FOXI1: variants seen among roughly 807,000 people sequenced by gnomAD.
FOXI1 encodes the protein forkhead box protein I1.
In FOXI1, 11 loss-of-function variants were observed where a neutral mutation model predicts 16.4. That is an observed-to-expected ratio of 0.67 (90% CI 0.42 to 1.11). FOXI1 has a LOEUF of 1.11. FOXI1 is among the 50% of genes least tolerant of loss of function. The pLI, the probability that FOXI1 is intolerant of heterozygous loss-of-function variation, is 0.00. For missense variants in FOXI1, 480 were observed against 506.1 expected (o/e 0.95, Z 0.49); for synonymous variants, 218 against 211.5 (o/e 1.03, Z -0.27).
In FOXI1 at chr5:170,108,239, C is replaced by A. The variant is rs1561921895; in HGVS notation, c.765C>A (p.Ala255=). 1 of 1,614,190 alleles carries A rather than the reference C, an allele frequency of 6.2e-7. No homozygotes were observed. Among genetic ancestry groups the A allele is most frequent in the East Asian group, 2.2e-5 (1 of 44,874 alleles). The change falls in exon 2 of 2, where the codon GCC becomes GCA. Residue 255 remains alanine (A), a synonymous_variant. Transcript: ENST00000306268. ...TTEPQDILDG[A]SPGGTTSSPE... ...AGCCTCAGGACATCTTGGATGGAGC[C>A]TCACCAGGGGGCACCACCAGCTCCC...
Position 170,108,113 on chromosome 5 carries a change from C to T in FOXI1, c.639C>T (p.Arg213=). The T allele has an allele frequency of 6.2e-7, 1 of 1,614,122 alleles. No individual in the cohort carries two copies. The highest frequency in any genetic ancestry group is 8.5e-7 in the Non-Finnish European group (1 of 1,179,988). The change falls in exon 2 of 2, where the codon CGC becomes CGT. Residue 213 remains arginine, a synonymous_variant. Coordinates refer to ENST00000306268, the MANE Select transcript of FOXI1 (RefSeq NM_012188.5). The part of the protein sequence containing the change: ...CEKMFDNGNF[R]RKRKRKSDVS... ...AAATGTTCGACAATGGAAATTTCCG[C>T]AGGAAAAGGAAGAGAAAATCAGATG...
chr5:170,106,324 C>T lies in FOXI1; in HGVS notation c.367C>T (p.Arg123Trp). The change falls in exon 1 of 2, where the codon CGG becomes TGG. Residue 123 changes from arginine (R) to tryptophan (W), a missense_variant. Arg to Trp is a moderately radical substitution (Grantham distance 101). Around this residue, in one of 3 missense-constraint regions of FOXI1, gnomAD observed 219 missense variants for 222.9 expected, o/e 0.98. Coordinates refer to ENST00000306268, the MANE Select transcript of FOXI1 (RefSeq NM_012188.5). ...GCAGGAGGAGCTGATGAAGCTGGTG[C>T]GGCCACCCTATTCCTACTCGGCTCT... Reference protein sequence around the residue: ...PSQEELMKLVRPPYSYSALIA... With the variant: ...PSQEELMKLVWPPYSYSALIA... The T allele has an allele frequency of 6.3e-7, 1 of 1,598,506 alleles. No individual in the cohort carries two copies. The highest frequency in any genetic ancestry group is 8.5e-7 in the Non-Finnish European group (1 of 1,172,340).
rs201378037 is a variant in FOXI1 at position 170,108,417 on chromosome 5, A to T, written c.943A>T (p.Asn315Tyr). The change falls in exon 2 of 2, where the codon AAC becomes TAC. Residue 315 changes from asparagine to tyrosine, a missense_variant. Around this residue, in one of 3 missense-constraint regions of FOXI1, gnomAD observed 257 missense variants for 262.2 expected, o/e 0.98. Transcript: ENST00000306268. Reference sequence around the variant, plus strand: ...TGAGCCCAGTGACAAGACGGGGCAGAACTCACTGACCTTCAACTCCTTCTC... The same window carrying T: ...TGAGCCCAGTGACAAGACGGGGCAGTACTCACTGACCTTCAACTCCTTCTC... Reference protein sequence around the residue: ...SPEPSDKTGQNSLTFNSFSPL... With the variant: ...SPEPSDKTGQYSLTFNSFSPL... 1 of 1,611,304 alleles carries T rather than the reference A, an allele frequency of 6.2e-7. No individual in the cohort carries two copies. Among genetic ancestry groups the T allele is most frequent in the East Asian group, 2.2e-5 (1 of 44,812 alleles).
chr5:170,106,234 A>G lies in FOXI1; in HGVS notation c.277A>G (p.Arg93Gly), dbSNP rs1758479976. 6.3e-7 allele frequency: 1 copy of G among 1,579,516 alleles called. No individual in the cohort carries two copies. The highest frequency in any genetic ancestry group is 1.8e-5 in the Admixed American group (1 of 55,302). Reference sequence around the variant, plus strand: ...CCTGCCCCAGGCCTATGGAGTGCAGAGGCCGCTGCTGCCCAGCGTGTCGGG... The same window carrying G: ...CCTGCCCCAGGCCTATGGAGTGCAGGGGCCGCTGCTGCCCAGCGTGTCGGG... ...PFLPQAYGVQ[R>G]PLLPSVSGLG... Residue 93 changes from arginine (R) to glycine (G), a missense_variant, in exon 1 of 2, where the codon AGG (arginine) becomes GGG (glycine). Coordinates refer to ENST00000306268, the MANE Select transcript of FOXI1 (RefSeq NM_012188.5).
In FOXI1 at chr5:170,109,506, A is replaced by C. The variant is rs1561922727; in HGVS notation, c.*895A>C. On this transcript the variant is annotated 3_prime_UTR_variant, in exon 2 of 2. Coordinates refer to ENST00000306268, the MANE Select transcript of FOXI1 (RefSeq NM_012188.5). ...GGACCAGTGAGCTGGAGATGGCTGAATCTTCCAAGAGAAACAAGGTTGGAT... is the reference window on the plus strand; with the variant it reads ...GGACCAGTGAGCTGGAGATGGCTGACTCTTCCAAGAGAAACAAGGTTGGAT... The C allele has an allele frequency of 6.6e-6, 1 of 151,824 alleles. No individual in the cohort carries two copies. Among genetic ancestry groups the C allele is most frequent in the Non-Finnish European group, 1.5e-5 (1 of 68,044 alleles). 9.4% of individuals were successfully genotyped at this position (151,824 alleles called of 1,614,324 possible). A position where few individuals can be genotyped will look rare whatever the true frequency, so the allele number is the denominator to read the frequency against.
In FOXI1 at chr5:170,106,440, C is replaced by T. The variant is rs144559860; in HGVS notation, c.483C>T (p.Asn161=). ...TGGCCGACAACTTCCCCTTCTACAA[C>T]AAGAGCAAGGCCGGCTGGCAGAACT... ...QYVADNFPFY[N]KSKAGWQNSI... is the part of the protein sequence containing the mutation. The change falls in exon 1 of 2, where the codon AAC becomes AAT. Residue 161 remains asparagine, a synonymous_variant. Coordinates refer to ENST00000306268, the MANE Select transcript of FOXI1 (RefSeq NM_012188.5). The T allele has an allele frequency of 1.8e-5, 29 of 1,614,156 alleles. No homozygotes were observed. The African/African-American group carries it at 2.9e-4, about 16-fold the overall frequency.
chr5:170,105,938 C>A lies in FOXI1; in HGVS notation c.-20C>A. 6.3e-7 allele frequency: 1 copy of A among 1,587,792 alleles called. No individual in the cohort carries two copies. The highest frequency in any genetic ancestry group is 8.6e-7 in the Non-Finnish European group (1 of 1,159,196). On this transcript the variant is annotated 5_prime_UTR_variant, in exon 1 of 2. Transcript: ENST00000306268. ...GGGTGCAGGTGCCAGGCAGGTGGCT[C>A]CGGCCAGCCCAGCCCCAGCATGAGC...
In FOXI1 at chr5:170,109,466, C is replaced by T. The variant is rs1028358335; in HGVS notation, c.*855C>T. On this transcript the variant is annotated 3_prime_UTR_variant, in exon 2 of 2. Coordinates refer to ENST00000306268, the MANE Select transcript of FOXI1 (RefSeq NM_012188.5). ...GTAAAATCTTGTAAAGCCCAGTTTC[C>T]TGTGTGCATGTCATGGACCAGTGAG... 1 of 152,216 alleles carries T rather than the reference C, an allele frequency of 6.6e-6. No individual in the cohort carries two copies. The highest frequency in any genetic ancestry group is 2.4e-5 in the African/African-American group (1 of 41,440). The allele number at this position is 152,216 out of a possible 1,614,324, so 9.4% of individuals were successfully genotyped here.
At position 170,106,368 on chromosome 5, in the gene FOXI1, C is replaced by A; in HGVS notation, c.411C>A (p.His137Gln). 1 of 1,613,150 alleles carries A rather than the reference C, an allele frequency of 6.2e-7. No individual in the cohort carries two copies. Among genetic ancestry groups the A allele is most frequent in the Non-Finnish European group, 8.5e-7 (1 of 1,179,488 alleles). ...CGGCTCTCATCGCCATGGCCATCCA[C>A]GGGGCACCCGACAAGCGCCTCACTC... is the stretch of plus-strand genomic sequence containing the variant. ...SYSALIAMAI[H>Q]GAPDKRLTLS... The change falls in exon 1 of 2, where the codon CAC becomes CAA. Residue 137 changes from histidine (H) to glutamine (Q), a missense_variant. Around this residue, in one of 3 missense-constraint regions of FOXI1, gnomAD observed 219 missense variants for 222.9 expected, o/e 0.98. Coordinates refer to ENST00000306268, the MANE Select transcript of FOXI1 (RefSeq NM_012188.5).
intron 1 of FOXI1, among the ~76,000 whole-genome samples, chr5:170,107,822 A>T (rs1025013012): frequency 4.6e-5 from 7 of 152,148 alleles, no homozygotes; most frequent in Non-Finnish European, 5.9e-5. Flanking sequence ...CTTAATGCTC[A>T]TGCCTCTCGG....
Position 170,109,203 on chromosome 5 carries a change from C to G in FOXI1, c.*592C>G, listed in dbSNP as rs1248829106. 1 of 152,934 alleles carries G rather than the reference C, an allele frequency of 6.5e-6. No homozygotes were observed. The highest frequency in any genetic ancestry group is 2.4e-5 in the African/African-American group (1 of 41,402). The allele number at this position is 152,934 out of a possible 1,614,324, so 9.5% of individuals were successfully genotyped here. A position where few individuals can be genotyped will look rare whatever the true frequency, so the allele number is the denominator to read the frequency against. On this transcript the variant is annotated 3_prime_UTR_variant, in exon 2 of 2. Transcript: ENST00000306268. ...TGGTCCAAGTCCTTATTCTGCTTGC[C>G]CCAACTTACCTGCAGACACTCCTTT...
At chr5:170,106,579 C>G in intron 1 of FOXI1, 48 bp downstream of exon 1, 1 of 1,609,032 alleles carries the variant, frequency 6.2e-7, no homozygotes, top group African/African-American at 1.3e-5. Flanking sequence ...AGACTCACTT[C>G]CTTCCTCCCC....
rs111310617 is a variant in FOXI1, at chr5:170,108,377, A to G, written c.903A>G (p.Thr301=). The stretch of plus-strand genomic sequence containing the variant: ...GCCCCACGAGCCACCCCTTGGTCAC[A>G]CCAGGACTGAGCCCTGAGCCCAGTG... The part of the protein sequence containing the change: ...GGSPTSHPLV[T]PGLSPEPSDK... The change falls in exon 2 of 2, where the codon ACA becomes ACG. Residue 301 remains threonine (T), a synonymous_variant. Coordinates refer to ENST00000306268, the MANE Select transcript of FOXI1 (RefSeq NM_012188.5). 1.9e-5 allele frequency: 31 copies of G among 1,614,042 alleles called. No individual in the cohort carries two copies. In the African/African-American group the frequency reaches 2.8e-4, roughly 15 times the overall value.
Position 170,106,012 on chromosome 5 carries a change from C to T in FOXI1, c.55C>T (p.Pro19Ser). The T allele has an allele frequency of 6.2e-7, 1 of 1,612,334 alleles. No homozygotes were observed. Among genetic ancestry groups the T allele is most frequent in the South Asian group, 1.1e-5 (1 of 90,906 alleles). Residue 19 changes from proline to serine, a missense_variant, in exon 1 of 2, where the codon CCC becomes TCC. Around this residue, in one of 3 missense-constraint regions of FOXI1, gnomAD observed 219 missense variants for 222.9 expected, o/e 0.98. Coordinates refer to ENST00000306268, the MANE Select transcript of FOXI1 (RefSeq NM_012188.5). Reference sequence around the variant, plus strand: ...CCCACCTCGCTGCAGCCCCCAGTTCCCCAGCATCGGCCAGGAGCCCCCCGA... The same window carrying T: ...CCCACCTCGCTGCAGCCCCCAGTTCTCCAGCATCGGCCAGGAGCCCCCCGA... ...PSPPRCSPQF[P>S]SIGQEPPEMN...
chr5:170,107,273 A>G (rs1398065614), intron 1 of FOXI1, among the ~76,000 whole-genome samples: 1 of 152,228 alleles, frequency 6.6e-6, no homozygotes, highest in Non-Finnish European at 1.5e-5. Flanking sequence ...AGAGGCATGT[A>G]TTAAATACTC....
intron 1 of FOXI1, chr5:170,107,051 T>G (rs1270153870): frequency 4.1e-6 from 4 of 973,588 alleles, no homozygotes; most frequent in Non-Finnish European, 4.9e-6. Flanking sequence ...GCCTGCCTTG[T>G]TTCTACTTAG....
intron 1 of FOXI1, among the ~76,000 whole-genome samples, chr5:170,106,747 C>T (rs755729088): frequency 1.3e-5 from 2 of 152,252 alleles, no homozygotes; most frequent in African/African-American, 2.4e-5. Context: ...AGTCAGTGAC[C>T]TCTGGCAGGT....
At chr5:170,106,984 G>C in intron 1 of FOXI1, 1 of 985,454 alleles carries the variant, frequency 1.0e-6, no homozygotes, top group Non-Finnish European at 1.2e-6. Flanking sequence ...GGCATCCCAA[G>C]ACTGCCAGGA....
At position 170,108,283 on chromosome 5, in the gene FOXI1, C is replaced by A; in HGVS notation, c.809C>A (p.Pro270His). 1 of 1,614,176 alleles carries A rather than the reference C, an allele frequency of 6.2e-7. No individual in the cohort carries two copies. The highest frequency in any genetic ancestry group is 8.5e-7 in the Non-Finnish European group (1 of 1,180,024). ...AGCTCCCCAGAGAAGCGGCCCTCCC[C>A]TCCCCCATCAGGCGCCCCTTGCCTT... is the stretch of plus-strand genomic sequence containing the variant. ...TTSSPEKRPS[P>H]PPSGAPCLNS... is the part of the protein sequence containing the mutation. The change falls in exon 2 of 2, where the codon CCT (proline) becomes CAT (histidine). Residue 270 changes from proline to histidine, a missense_variant. Pro to His is a moderately conservative substitution (Grantham distance 77). Around this residue, in one of 3 missense-constraint regions of FOXI1, gnomAD observed 257 missense variants for 262.2 expected, o/e 0.98. Transcript: ENST00000306268.
Sources: gnomAD v4.1 joint callset for allele counts (sites outside exome capture counted in the v4.1 genomes callset) on GRCh38, gnomAD v4.1.1 for gene constraint, gnomAD v4.1.1 regional missense constraint, MANE v1.5 for transcripts, NCBI Gene and HGNC (gene_info 2026-07-23, HGNC 2026-07-21) for gene names.